Variants in FRY observed in about 807,000 individuals in gnomAD.
The protein encoded by FRY is FRY microtubule binding protein.
Under a neutral mutation model 348.4 loss-of-function variants are expected in FRY, and 128 were observed. The ratio of observed to expected loss-of-function variants is 0.37; its 90% CI spans 0.32 to 0.43. FRY has a LOEUF of 0.43. Among genes scored for constraint, FRY ranks in the 20% least tolerant of loss-of-function variants. The pLI is 1.00. For missense variants in FRY, 2,736 were observed against 3,695.2 expected, an observed-to-expected ratio of 0.74 and a Z score of 6.73; for synonymous variants, 1,370 against 1,374.7, an observed-to-expected ratio of 1.00 and a Z score of 0.08.
chr13:32,120,913 G>A (rs1006873624), intron 4 of FRY, among the ~76,000 whole-genome samples: 1 of 152,208 alleles, frequency 6.6e-6, no homozygotes, highest in African/African-American at 2.4e-5. Context: ...GCCCACCTTG[G>A]CCTCCCAAAG....
At chr13:32,073,261 A>T (rs1473126928) in intron 1 of FRY, among the ~76,000 whole-genome samples, 1 of 152,180 alleles carries the variant, frequency 6.6e-6, no homozygotes, top group Non-Finnish European at 1.5e-5. Flanking sequence ...GCTGGTTAAA[A>T]TTCTCATCTC....
At chr13:32,187,481 T>C in intron 27 of FRY, 65 bp from the exon 28 acceptor site, 1 of 910,104 alleles carries the variant, frequency 1.1e-6, no homozygotes, top group Admixed American at 1.7e-5. Flanking sequence ...GTTTATAAAG[T>C]CAGTTGGATA....
chr13:32,081,883 C>T (rs1411311657), intron 2 of FRY, among the ~76,000 whole-genome samples: 3 of 152,100 alleles, frequency 2.0e-5, no homozygotes, highest in African/African-American at 7.2e-5. Flanking sequence ...ATTAAATGTC[C>T]TCTACTATTT....
At position 32,144,666 on chromosome 13, in the gene FRY, G is replaced by A. The variant is rs140451745; in HGVS notation, c.1180-2616G>A. On this transcript the variant is annotated intron_variant, in intron 11 of 60. Coordinates refer to ENST00000542859, the MANE Select transcript of FRY (RefSeq NM_023037.3). Reference sequence around the variant, plus strand: ...AGAATCATATGACTAAATAAATGGAGACAGACAAGTAACATAAAGGCAAAA... The same window carrying A: ...AGAATCATATGACTAAATAAATGGAAACAGACAAGTAACATAAAGGCAAAA... 1.9e-3 allele frequency among the ~76,000 whole-genome samples: 295 copies of A among 152,134 alleles called. 1 individual carries two copies. The highest frequency in any genetic ancestry group is 6.6e-3 in the African/African-American group (273 of 41,512).
intron 1 of FRY, among the ~76,000 whole-genome samples, chr13:32,073,635 T>C (rs1186135710): frequency 6.6e-6 from 1 of 152,138 alleles, no homozygotes; most frequent in East Asian, 1.9e-4. Context: ...GAGTAGGAAC[T>C]ATCACTTTGT....
chr13:32,095,492 G>A (rs867395530), intron 2 of FRY, among the ~76,000 whole-genome samples: 12 of 151,880 alleles, frequency 7.9e-5, no homozygotes, highest in Admixed American at 2.0e-4. Context: ...GATTACAGGC[G>A]TGCGCCCCCA....
In FRY at chr13:32,182,986, A is replaced by G. The variant is rs1388864743; in HGVS notation, c.3006A>G (p.Val1002=). ...CCTTTTTCCTCCACAGAGAATTGGT[A>G]GAAGAACTTCATCCATTAATGAAAG... is the stretch of plus-strand genomic sequence containing the variant. ...RTNSLVFREL[V]EELHPLMKEA... is the part of the protein sequence containing the mutation. Residue 1002 remains valine, a synonymous_variant, in exon 24 of 61, where the codon GTA becomes GTG. Transcript: ENST00000542859. 1 of 1,602,672 alleles carries G rather than the reference A, an allele frequency of 6.2e-7. No homozygotes were observed. Among genetic ancestry groups the G allele is most frequent in the East Asian group, 2.2e-5 (1 of 44,748 alleles).
At chr13:32,257,939 T>C (rs1315149358) in intron 51 of FRY, 1 of 1,600,314 alleles carries the variant, frequency 6.2e-7, no homozygotes, top group Admixed American at 1.7e-5. Context: ...TGTTTGTTTT[T>C]CTGCTCATTC....
At chr13:32,139,432 C>T (rs114801874) in intron 11 of FRY, among the ~76,000 whole-genome samples, 456 of 152,290 alleles carry the variant, frequency 3.0e-3, no homozygotes, top group African/African-American at 0.011. Context: ...TTGGTAGCCA[C>T]CTTTGATGTA....
chr13:32,070,658 G>A (rs962312934), intron 1 of FRY, among the ~76,000 whole-genome samples: 3 of 151,448 alleles, frequency 2.0e-5, no homozygotes. Flanking sequence ...GTCCTATTCT[G>A]TAGGTTGCCT....
intron 35 of FRY, among the ~76,000 whole-genome samples, chr13:32,217,292 A>G (rs1318096788): frequency 6.6e-6 from 1 of 152,138 alleles, no homozygotes; most frequent in Non-Finnish European, 1.5e-5. Flanking sequence ...GCTGTGTATC[A>G]TTTTATATAA....
At chr13:32,049,643 A>C (rs535030010) in intron 1 of FRY, among the ~76,000 whole-genome samples, 1 of 152,352 alleles carries the variant, frequency 6.6e-6, no homozygotes, top group Admixed American at 6.5e-5. Flanking sequence ...CATCCCAGCA[A>C]ATTCAGGGAC....
intron 48 of FRY, 40 bp from the exon 49 acceptor site, chr13:32,249,486 C>T (rs775027980): frequency 1.3e-4 from 202 of 1,610,302 alleles, no homozygotes; most frequent in Non-Finnish European, 1.6e-4. Context: ...TATCACAAAA[C>T]CATTGAGACA....
chr13:32,181,758 C>A (rs777425527), intron 23 of FRY, among the ~76,000 whole-genome samples: 1 of 151,950 alleles, frequency 6.6e-6, no homozygotes, highest in Non-Finnish European at 1.5e-5. Flanking sequence ...AACTTAATGT[C>A]TCTGGGCCTC....
chr13:32,156,083 C>T (rs987171453), intron 15 of FRY, among the ~76,000 whole-genome samples: 1 of 152,156 alleles, frequency 6.6e-6, no homozygotes, highest in Non-Finnish European at 1.5e-5. Flanking sequence ...CAACACACAT[C>T]AGGTTATATT....
At chr13:32,094,920 T>C (rs111427977) in intron 2 of FRY, among the ~76,000 whole-genome samples, 1 of 152,314 alleles carries the variant, frequency 6.6e-6, no homozygotes, top group African/African-American at 2.4e-5. Flanking sequence ...TTGAGAAACC[T>C]CCGAACTGTT....
intron 14 of FRY, among the ~76,000 whole-genome samples, chr13:32,153,160 G>A (rs1021043537): frequency 7.2e-5 from 11 of 152,044 alleles, no homozygotes; most frequent in Non-Finnish European, 1.3e-4. Flanking sequence ...AAGATTAAAC[G>A]TATACTTAAC....
Position 32,239,197 on chromosome 13 carries a change from T to C in FRY, c.6419-55T>C. ...AATCTGTAACATGCCTTCCCACTGTTAACAGCTAAAATATACCATATTCAG... is the reference window on the plus strand; with the variant it reads ...AATCTGTAACATGCCTTCCCACTGTCAACAGCTAAAATATACCATATTCAG... On this transcript the variant is annotated intron_variant, in intron 44 of 60. Coordinates refer to ENST00000542859, the MANE Select transcript of FRY (RefSeq NM_023037.3). This position sits in a 1 kb window ranked among gnomAD's most constrained non-coding sequence, Gnocchi z 4.3. 1 of 1,128,932 alleles carries C rather than the reference T, an allele frequency of 8.9e-7. No individual in the cohort carries two copies. Among genetic ancestry groups the C allele is most frequent in the Non-Finnish European group, 1.4e-6 (1 of 739,686 alleles). The allele number at this position is 1,128,932 out of a possible 1,614,324, so 69.9% of individuals were successfully genotyped here. A position where few individuals can be genotyped will look rare whatever the true frequency, so the allele number is the denominator to read the frequency against.
At chr13:32,184,519 C>T (rs1882903606) in intron 24 of FRY, 81 bp from the exon 25 acceptor site, 1 of 850,250 alleles carries the variant, frequency 1.2e-6, no homozygotes, top group Non-Finnish European at 2.0e-6. Context: ...TAGATTATGC[C>T]TTTTGTTAAT....
Sources: gnomAD v4.1 joint callset for allele counts (sites outside exome capture counted in the v4.1 genomes callset) on GRCh38, gnomAD v4.1.1 for gene constraint, Gnocchi (gnomAD v3.1) non-coding constraint, MANE v1.5 for transcripts, NCBI Gene and HGNC (gene_info 2026-07-23, HGNC 2026-07-21) for gene names.